The following WRAP73 variants were observed in gnomAD, a reference collection of about 807,000 sequenced individuals.
WRAP73 encodes the protein WD repeat containing, antisense to TP73.
A neutral mutation model predicts 59.6 loss-of-function variants in WRAP73; 55 were observed. The ratio of observed to expected loss-of-function variants is 0.92; its 90% CI spans 0.74 to 1.15. WRAP73 has a LOEUF of 1.15. Among genes scored for constraint, WRAP73 ranks in the 50% most tolerant of loss-of-function variants. The probability of loss-of-function intolerance (pLI) is 0.00; values close to 1 mark genes in which losing one functional copy is unlikely to be tolerated. For synonymous variants in WRAP73, 265 were observed against 258.2 expected, an observed-to-expected ratio of 1.03 and a Z score of -0.25; for missense variants, 592 against 608.1, an observed-to-expected ratio of 0.97 and a Z score of 0.28.
chr1:3,634,998 A>G lies in WRAP73; in HGVS notation c.815T>C (p.Ile272Thr), dbSNP rs751383310. The G allele has an allele frequency of 6.2e-7, 1 of 1,614,204 alleles. No individual in the cohort carries two copies. Among genetic ancestry groups the G allele is most frequent in the South Asian group, 1.1e-5 (1 of 91,092 alleles). ...CAGAAACACGTGTTCCAGACTTACTATCTTGGGATCATTAATGGCTGCAGG... is the reference window on the plus strand; with the variant it reads ...CAGAAACACGTGTTCCAGACTTACTGTCTTGGGATCATTAATGGCTGCAGG... ...GHPAAINDPK[I>T]VVYKEAEKSP... The change falls in exon 8 of 12, where the codon ATA becomes ACA. Residue 272 changes from isoleucine (I) to threonine (T), a missense_variant and splice_region_variant. By Grantham distance (89) the Ile-to-Thr change is moderately conservative. Coordinates refer to ENST00000270708, the MANE Select transcript of WRAP73 (RefSeq NM_017818.4).
At position 3,631,104 on chromosome 1, in the gene WRAP73, C is replaced by T; in HGVS notation, c.1254G>A (p.Val418=). The T allele has an allele frequency of 1.2e-6, 2 of 1,613,332 alleles. No individual in the cohort carries two copies. Among genetic ancestry groups the T allele is most frequent in the South Asian group, 1.1e-5 (1 of 91,086 alleles). ...VQVPGEGDFA[V]LSLCWHLSGD... is the part of the protein sequence containing the mutation. ...CGCTTAAATGCCAGCACAGAGAGAG[C>T]ACTGCAAAGTCGCCTAGAGAGAGAC... Residue 418 remains valine, a synonymous_variant, in exon 12 of 12, where the codon GTG becomes GTA. Transcript: ENST00000270708.
chr1:3,649,915 G>T lies in WRAP73; in HGVS notation c.69+16C>A. ...CCGAGGATGTCCTGCCCGTGGCCCA[G>T]GTCCCCGCCGCTCACCAGGTACTTG... On this transcript the variant is annotated intron_variant, in intron 1 of 11. Coordinates refer to ENST00000270708, the MANE Select transcript of WRAP73 (RefSeq NM_017818.4). 1 of 1,592,948 alleles carries T rather than the reference G, an allele frequency of 6.3e-7. No individual in the cohort carries two copies.
At chr1:3,638,166 G>A (rs1046655657) in intron 4 of WRAP73, among the ~76,000 whole-genome samples, 6 of 152,216 alleles carry the variant, frequency 3.9e-5, no homozygotes, top group African/African-American at 1.2e-4. Flanking sequence ...GTGCGGTGTC[G>A]TCCAGGACTC....
intron 5 of WRAP73, chr1:3,636,597 C>T: frequency 2.8e-6 from 1 of 359,634 alleles, no homozygotes; most frequent in Non-Finnish European, 5.4e-6. Flanking sequence ...GAATCGTGTT[C>T]ATATGTCTGC....
intron 9 of WRAP73, 185 bp from the exon 10 acceptor site, chr1:3,632,523 G>C (rs1377254572): frequency 3.4e-6 from 3 of 890,466 alleles, no homozygotes; most frequent in East Asian, 2.8e-5. Flanking sequence ...GGGCCTGCCC[G>C]CAAGTGCCCC....
chr1:3,635,469 C>G, intron 6 of WRAP73, 175 bp from the exon 7 acceptor site: 1 of 810,996 alleles, frequency 1.2e-6, no homozygotes, highest in South Asian at 1.8e-5. Context: ...CACGGAGAGG[C>G]AGTGAGAGCA....
intron 6 of WRAP73, 129 bp downstream of exon 6, chr1:3,635,815 T>C (rs1192308275): frequency 3.7e-6 from 3 of 817,112 alleles, no homozygotes; most frequent in Non-Finnish European, 5.9e-6. Context: ...AGCAAGACCC[T>C]GTCTTTTAAA....
intron 9 of WRAP73, 191 bp downstream of exon 9, chr1:3,633,207 C>T: frequency 1.6e-6 from 1 of 607,736 alleles, no homozygotes; most frequent in East Asian, 2.9e-5. Context: ...GAAGCCGCAC[C>T]TTCACGGCCC....
At position 3,638,786 on chromosome 1, in the gene WRAP73, C is replaced by G; in HGVS notation, c.376G>C (p.Val126Leu). ...GCTTTCGGGTATTTGATGTAAGACA[C>G]GGATTTTGTGCACAAGGACCAGACG... ...ITVWSLCTKS[V>L]SYIKYPKACL... Residue 126 changes from valine (V) to leucine (L), a missense_variant, in exon 4 of 12, where the codon GTG (valine) becomes CTG (leucine). Val to Leu is a conservative substitution (Grantham distance 32). Transcript: ENST00000270708. 1 of 1,614,106 alleles carries G rather than the reference C, an allele frequency of 6.2e-7. No homozygotes were observed. The highest frequency in any genetic ancestry group is 8.5e-7 in the Non-Finnish European group (1 of 1,180,000).
intron 10 of WRAP73, 165 bp downstream of exon 10, chr1:3,632,048 C>T: frequency 6.7e-7 from 1 of 1,493,118 alleles, no homozygotes. Flanking sequence ...GACAAAGGCC[C>T]AGCGCCTCCA....
At position 3,650,052 on chromosome 1, in the gene WRAP73, T is replaced by C. The variant is rs901369080; in HGVS notation, c.-53A>G. On this transcript the variant is annotated 5_prime_UTR_variant, in exon 1 of 12. Transcript: ENST00000270708. ...TGCGCCCGAAAACCCGCGGGACCCC[T>C]GGGCGCGCAGCAGGCTGCAACAGCC... 5 of 1,500,788 alleles carry C rather than the reference T, an allele frequency of 3.3e-6. No homozygotes were observed. Among genetic ancestry groups the C allele is most frequent in the Non-Finnish European group, 4.5e-6 (5 of 1,118,334 alleles). 93.0% of individuals were successfully genotyped at this position (1,500,788 alleles called of 1,614,324 possible). A position where few individuals can be genotyped will look rare whatever the true frequency, so the allele number is the denominator to read the frequency against.
At chr1:3,632,554 C>T (rs914194571) in intron 9 of WRAP73, 1 of 650,442 alleles carries the variant, frequency 1.5e-6, no homozygotes, top group South Asian at 1.8e-5. Context: ...GGCACCATCA[C>T]CTGCCAGGCC....
intron 11 of WRAP73, 101 bp downstream of exon 11, chr1:3,631,365 T>C (rs1644530798): frequency 6.9e-7 from 1 of 1,442,482 alleles, no homozygotes. Flanking sequence ...TTCCCTGGAG[T>C]GCTGCCGGAG....
chr1:3,636,708 G>A lies in WRAP73; in HGVS notation c.516+287C>T, dbSNP rs146585049. ...CTTCCACGTCCCCCCAACTCCCGAC[G>A]TGGCACACACATGCGCAAACACCAT... On this transcript the variant is annotated intron_variant, in intron 5 of 11. Transcript: ENST00000270708. 7.3e-4 allele frequency: 329 copies of A among 449,652 alleles called. 6 individuals are homozygous for A. In the East Asian group the frequency reaches 0.011, roughly 15 times the overall value. The allele number at this position is 449,652 out of a possible 1,614,324, so 27.9% of individuals were successfully genotyped here.
chr1:3,635,854 G>T (rs1644584398), intron 6 of WRAP73, 90 bp downstream of exon 6: 1 of 1,149,098 alleles, frequency 8.7e-7, no homozygotes, highest in Non-Finnish European at 1.3e-6. Flanking sequence ...TCTGAAATAA[G>T]ATAAAGCAAA....
In WRAP73 at chr1:3,634,983, T is replaced by C; in HGVS notation, c.816+14A>G. 1 of 1,614,124 alleles carries C rather than the reference T, an allele frequency of 6.2e-7. No individual in the cohort carries two copies. The highest frequency in any genetic ancestry group is 8.5e-7 in the Non-Finnish European group (1 of 1,179,976). On this transcript the variant is annotated intron_variant, in intron 8 of 11. Transcript: ENST00000270708. ...AACAGCCTGCTCAGGCAGAAACACGTGTTCCAGACTTACTATCTTGGGATC... is the reference window on the plus strand; with the variant it reads ...AACAGCCTGCTCAGGCAGAAACACGCGTTCCAGACTTACTATCTTGGGATC...
At chr1:3,641,266 C>T (rs1188771485) in intron 3 of WRAP73, among the ~76,000 whole-genome samples, 1 of 147,052 alleles carries the variant, frequency 6.8e-6, no homozygotes, top group East Asian at 2.0e-4. Flanking sequence ...AAGGAACGGG[C>T]CACCGATCCA....
chr1:3,645,986 T>C (rs1056136539), intron 3 of WRAP73, among the ~76,000 whole-genome samples: 1 of 152,238 alleles, frequency 6.6e-6, no homozygotes, highest in African/African-American at 2.4e-5. Context: ...AAAATCTAAA[T>C]TAAGATTTTT....
chr1:3,646,780 G>C lies in WRAP73; in HGVS notation c.225C>G (p.Val75=). The change falls in exon 3 of 12, where the codon GTC becomes GTG. Residue 75 remains valine, a splice_region_variant and synonymous_variant. Transcript: ENST00000270708. The surrounding 1 kb of genome is among the most constrained non-coding windows in gnomAD (Gnocchi z 5.1). ...CAMYKRGLVQ[V]WSLEQPEWHC... is the part of the protein sequence containing the mutation. ...GCCATTCGGGCTGCTCTAAAGACCAGACCTGGATTGAGAGAAGAAAGAAAC... is the reference window on the plus strand; with the variant it reads ...GCCATTCGGGCTGCTCTAAAGACCACACCTGGATTGAGAGAAGAAAGAAAC... The C allele has an allele frequency of 1.2e-6, 2 of 1,610,498 alleles. No individual in the cohort carries two copies. The highest frequency in any genetic ancestry group is 1.7e-6 in the Non-Finnish European group (2 of 1,178,668).
Sources: allele counts gnomAD v4.1 joint callset (sites outside exome capture counted in the v4.1 genomes callset), GRCh38; gene constraint gnomAD v4.1.1; non-coding constraint Gnocchi (gnomAD v3.1); transcripts MANE v1.5; gene names NCBI Gene and HGNC (gene_info 2026-07-23, HGNC 2026-07-21).